Variants in RFPL1 observed in about 807,000 individuals in gnomAD.
RFPL1 encodes ret finger protein-like 1.
RFPL1 carries 6 observed loss-of-function variants against 9.6 expected under a neutral mutation model. That is an observed-to-expected ratio of 0.62 (90% confidence interval 0.34 to 1.23). The LOEUF is 1.23. Among genes scored for constraint, RFPL1 ranks in the 50% most tolerant of loss-of-function variants. The pLI, the probability that RFPL1 is intolerant of heterozygous loss-of-function variation, is 0.03. For synonymous variants in RFPL1, 145 were observed against 149.4 expected, an observed-to-expected ratio of 0.97 and a Z score of 0.22; for missense variants, 352 against 398.4, an observed-to-expected ratio of 0.88 and a Z score of 0.99.
the RFPL1 span, chr22:29,419,132 C>G: frequency 6.4e-6 from 10 of 1,573,994 alleles, no homozygotes; most frequent in Non-Finnish European, 8.7e-6. Context: ...CTTCCAGCTG[C>G]CACCAGGCCT....
chr22:29,435,697 AGGTCTTT>A (rs1275604832), upstream of RFPL1, among the ~76,000 whole-genome samples: 333 of 151,692 alleles, frequency 2.2e-3, 3 homozygotes, highest in African/African-American at 7.8e-3. Context: ...AACTAAATGT[AGGTCTTT>A]CAAAAATATA....
chr22:29,436,650 C>G (rs1189926606), upstream of RFPL1: 1 of 150,854 alleles, frequency 6.6e-6, no homozygotes, highest in Non-Finnish European at 1.5e-5. Context: ...ATTATCCTGA[C>G]TTGATTATTA....
the RFPL1 span, among the ~76,000 whole-genome samples, chr22:29,428,966 A>G: frequency 6.6e-6 from 1 of 152,230 alleles, no homozygotes; most frequent in Non-Finnish European, 1.5e-5. Context: ...ACCCAAAATG[A>G]GAAGAAAAGA....
At chr22:29,435,026 T>C (rs2146363435), upstream of RFPL1, 1 of 152,320 alleles carries the variant, frequency 6.6e-6, no homozygotes. Flanking sequence ...CACAAAACCA[T>C]TTAGACAATC....
At chr22:29,400,509 T>G in the RFPL1 span, among the ~76,000 whole-genome samples, 2 of 152,238 alleles carry the variant, frequency 1.3e-5, no homozygotes, top group African/African-American at 4.8e-5. Flanking sequence ...TTGCATGAAC[T>G]TGTGCCTTCT....
chr22:29,432,310 C>T, the RFPL1 span, among the ~76,000 whole-genome samples: 15 of 152,086 alleles, frequency 9.9e-5, no homozygotes, highest in Admixed American at 6.6e-4. Context: ...ACTCTAAAGC[C>T]CCCTGCATTT....
At chr22:29,407,741 T>C in the RFPL1 span, among the ~76,000 whole-genome samples, 1 of 152,208 alleles carries the variant, frequency 6.6e-6, no homozygotes, top group Non-Finnish European at 1.5e-5. Context: ...ATTTGACTCT[T>C]CTTAAACAGA....
chr22:29,401,256 C>A, the RFPL1 span, among the ~76,000 whole-genome samples: 1 of 152,188 alleles, frequency 6.6e-6, no homozygotes, highest in African/African-American at 2.4e-5. Context: ...AGAAAGTAAT[C>A]ACTAAAAAAT....
At chr22:29,413,440 C>T in the RFPL1 span, among the ~76,000 whole-genome samples, 1 of 151,978 alleles carries the variant, frequency 6.6e-6, no homozygotes, top group African/African-American at 2.4e-5. Context: ...AAGAAATGGA[C>T]CTTTTATTTT....
At chr22:29,437,595 T>C (rs548071341), upstream of RFPL1, 50 of 1,573,292 alleles carry the variant, frequency 3.2e-5, 1 homozygote, top group East Asian at 1.1e-3. Context: ...CCTCATTAGG[T>C]TAGAGGGTGT....
chr22:29,425,256 T>A, the RFPL1 span, among the ~76,000 whole-genome samples: 4 of 151,782 alleles, frequency 2.6e-5, no homozygotes, highest in South Asian at 8.3e-4. Context: ...AAAATAGGCA[T>A]TTGAATGGAG....
chr22:29,441,852 C>T, exon 2 of RFPL1: 1 of 1,613,930 alleles, frequency 6.2e-7, no homozygotes, highest in Non-Finnish European at 8.5e-7. Flanking sequence ...GCCTCTCTGC[C>T]AGCACGGTGC....
the RFPL1 span, among the ~76,000 whole-genome samples, chr22:29,390,970 T>C: frequency 6.7e-6 from 1 of 150,160 alleles, no homozygotes; most frequent in Admixed American, 6.7e-5. Flanking sequence ...TGAAACCCCG[T>C]CTCTACTAAA....
the RFPL1 span, among the ~76,000 whole-genome samples, chr22:29,401,983 C>G: frequency 6.6e-6 from 1 of 152,120 alleles, no homozygotes; most frequent in African/African-American, 2.4e-5. Flanking sequence ...AGTATTGGCA[C>G]TTAGACTTAA....
chr22:29,425,191 G>A, the RFPL1 span, among the ~76,000 whole-genome samples: 60 of 134,180 alleles, frequency 4.5e-4, no homozygotes, highest in South Asian at 1.9e-3. Context: ...GCGACGGAGC[G>A]AGACTCCGTC....
At chr22:29,442,060 A>G (rs770179275) in exon 2 of RFPL1, 2 of 1,612,862 alleles carry the variant, frequency 1.2e-6, no homozygotes, top group Non-Finnish European at 1.7e-6. Flanking sequence ...TGTCTTGAGT[A>G]TCTGTCCTGT....
chr22:29,438,912 C>A lies in RFPL1; in HGVS notation c.121C>A (p.Pro41Thr), dbSNP rs1224695552. 1.9e-6 allele frequency: 3 copies of A among 1,614,016 alleles called. No homozygotes were observed. The highest frequency in any genetic ancestry group is 2.5e-6 in the Non-Finnish European group (3 of 1,179,878). ...ACTCTTCCAAGAAGCAAGCAGCTGT[C>A]CCGTCTGCTCAGACTATCTAGAGAA... Residue 41 changes from proline (P) to threonine (T), a missense_variant, in exon 1 of 2, where the codon CCC (proline) becomes ACC (threonine). By Grantham distance (38) the Pro-to-Thr change is conservative. Transcript: ENST00000354373.
chr22:29,428,659 A>C, the RFPL1 span, among the ~76,000 whole-genome samples: 1 of 152,244 alleles, frequency 6.6e-6, no homozygotes. Flanking sequence ...CTCAGACCAC[A>C]ATGAAATATA....
the RFPL1 span, among the ~76,000 whole-genome samples, chr22:29,394,960 G>A: frequency 2.0e-5 from 3 of 152,146 alleles, no homozygotes; most frequent in Non-Finnish European, 2.9e-5. Flanking sequence ...AAGGTTGAGA[G>A]TTCGTGCGGT....
Sources: allele counts gnomAD v4.1 joint callset (sites outside exome capture counted in the v4.1 genomes callset), GRCh38; gene constraint gnomAD v4.1.1; transcripts MANE v1.5; gene names NCBI Gene and HGNC (gene_info 2026-07-23, HGNC 2026-07-21).